The following PITPNC1 variants were observed in gnomAD, a reference collection of about 807,000 sequenced individuals.
The protein encoded by PITPNC1 is phosphatidylinositol transfer protein cytoplasmic 1, also known as cytoplasmic phosphatidylinositol transfer protein 1.
A neutral mutation model predicts 44.7 loss-of-function variants in PITPNC1; 18 were observed. That is an observed-to-expected ratio of 0.40 (90% CI 0.28 to 0.60). The LOEUF is 0.60. Ranked by LOEUF, PITPNC1 falls within the 20% of genes least tolerant of loss-of-function variation. The pLI is 0.39. For synonymous variants in PITPNC1, 141 were observed against 149.6 expected (o/e 0.94, Z 0.42); for missense variants, 290 against 418.4 (o/e 0.69, Z 2.68).
intron 5 of PITPNC1, among the ~76,000 whole-genome samples, chr17:67,580,416 G>T (rs1001161912): frequency 2.6e-5 from 4 of 152,118 alleles, no homozygotes; most frequent in Non-Finnish European, 5.9e-5. Context: ...CACGATCTCA[G>T]GTCACTGCAG....
intron 1 of PITPNC1, among the ~76,000 whole-genome samples, chr17:67,425,203 GCACACACACACACACACACACACA>G (rs60705271): frequency 0.012 from 1,155 of 98,612 alleles, 78 homozygotes; most frequent in African/African-American, 0.02. Context: ...GCACGCACAC[GCACACACACACACACACACACACA>G]CACACACACA....
intron 1 of PITPNC1, among the ~76,000 whole-genome samples, chr17:67,483,793 A>G (rs1389990329): frequency 1.3e-5 from 2 of 152,200 alleles, no homozygotes; most frequent in Non-Finnish European, 2.9e-5. Context: ...TGAAAAACAT[A>G]TAGCTCTTAA....
At chr17:67,455,633 G>A (rs2039245493) in intron 1 of PITPNC1, among the ~76,000 whole-genome samples, 1 of 151,812 alleles carries the variant, frequency 6.6e-6, no homozygotes, top group Non-Finnish European at 1.5e-5. Context: ...GTAGAGATGG[G>A]GTTTCACCAT....
chr17:67,538,620 T>C (rs1444889881), intron 2 of PITPNC1, among the ~76,000 whole-genome samples: 8 of 151,954 alleles, frequency 5.3e-5, no homozygotes, highest in Admixed American at 1.3e-4. Flanking sequence ...AATAAATAGA[T>C]AGATAAATTC....
At chr17:67,477,891 T>C (rs1429703549) in intron 1 of PITPNC1, among the ~76,000 whole-genome samples, 1 of 152,108 alleles carries the variant, frequency 6.6e-6, no homozygotes, top group African/African-American at 2.4e-5. Flanking sequence ...CCACAGCCCT[T>C]GATTTCTGGG....
intron 1 of PITPNC1, among the ~76,000 whole-genome samples, chr17:67,452,412 G>A (rs1165829703): frequency 2.6e-5 from 4 of 152,046 alleles, no homozygotes; most frequent in African/African-American, 9.6e-5. Context: ...TCTAATTCGG[G>A]GCTACTGTGA....
chr17:67,621,056 A>G (rs540945941), intron 5 of PITPNC1, among the ~76,000 whole-genome samples: 5 of 152,068 alleles, frequency 3.3e-5, no homozygotes, highest in South Asian at 2.1e-4. Context: ...CACGACACCA[A>G]TTGGCCAGTC....
In PITPNC1 at chr17:67,627,264, G is replaced by C. The variant is rs118137470; in HGVS notation, c.367-4879G>C. ...GTGAGACTTCATCTCAAAAAGAAAA[G>C]AAATTAAAACTCATCATCTCAAGCC... On this transcript the variant is annotated intron_variant, in intron 5 of 8. Transcript: ENST00000581322. Among the ~76,000 whole-genome samples, 194 of 152,278 alleles carry C rather than the reference G, an allele frequency of 1.3e-3. 6 individuals carry two copies. The East Asian group carries it at 0.036, about 28-fold the overall frequency.
intron 1 of PITPNC1, among the ~76,000 whole-genome samples, chr17:67,400,885 C>T (rs114531155): frequency 0.015 from 2,281 of 151,744 alleles, 60 homozygotes; most frequent in African/African-American, 0.052. Flanking sequence ...AGAAATTGTT[C>T]GTTACGCTTT....
chr17:67,577,272 C>A (rs1021302170), intron 4 of PITPNC1, among the ~76,000 whole-genome samples: 2 of 151,892 alleles, frequency 1.3e-5, no homozygotes, highest in African/African-American at 2.4e-5. Context: ...GCCTGGGTGA[C>A]AAAGTAAGAC....
rs2043002724 is a variant in PITPNC1 at position 67,695,858 on chromosome 17, G to T, written c.*2970G>T. The T allele has an allele frequency of 6.6e-6, 1 of 152,104 alleles. No homozygotes were observed. The highest frequency in any genetic ancestry group is 1.5e-5 in the Non-Finnish European group (1 of 68,020). 9.4% of individuals were successfully genotyped at this position (152,104 alleles called of 1,614,324 possible). On this transcript the variant is annotated 3_prime_UTR_variant, in exon 9 of 9. Transcript: ENST00000581322. Reference sequence around the variant, plus strand: ...ATAGCACGGCATTCTTGCTTTAGCTGTGCTTTCCTGGGATGAGAAGATCTT... The same window carrying T: ...ATAGCACGGCATTCTTGCTTTAGCTTTGCTTTCCTGGGATGAGAAGATCTT...
At chr17:67,422,253 C>G (rs1232571290) in intron 1 of PITPNC1, among the ~76,000 whole-genome samples, 5 of 152,192 alleles carry the variant, frequency 3.3e-5, no homozygotes, top group Non-Finnish European at 7.3e-5. Flanking sequence ...TTGACATTGT[C>G]TACTTACCAT....
intron 2 of PITPNC1, among the ~76,000 whole-genome samples, chr17:67,541,023 C>G (rs2040598575): frequency 6.6e-6 from 1 of 152,040 alleles, no homozygotes; most frequent in Non-Finnish European, 1.5e-5. Context: ...TCGAGACCAG[C>G]CTGGCCAACA....
rs188709405 is a variant in PITPNC1, at chr17:67,652,873, G to A, written c.463-16635G>A. ...TGTCCCCCCAGAAAGCTAGGTTGAC[G>A]TCCTAACCCCCAGAATGTGAACTTA... On this transcript the variant is annotated intron_variant, in intron 6 of 8. Transcript: ENST00000581322. Among the ~76,000 whole-genome samples, 4 of 152,328 alleles carry A rather than the reference G, an allele frequency of 2.6e-5. No individual in the cohort carries two copies. The East Asian group carries it at 5.8e-4, about 22-fold the overall frequency.
chr17:67,634,351 C>T (rs534651544), intron 6 of PITPNC1, among the ~76,000 whole-genome samples: 24 of 151,988 alleles, frequency 1.6e-4, no homozygotes, highest in Admixed American at 3.9e-4. Context: ...CCAAGGCAGG[C>T]GGCTCACTTG....
At chr17:67,463,764 C>A (rs2143980820) in intron 1 of PITPNC1, among the ~76,000 whole-genome samples, 1 of 151,882 alleles carries the variant, frequency 6.6e-6, no homozygotes, top group Non-Finnish European at 1.5e-5. Flanking sequence ...ATTAGCTGGG[C>A]ATGGTGGTGC....
intron 6 of PITPNC1, among the ~76,000 whole-genome samples, chr17:67,657,399 A>T (rs1480746357): frequency 1.3e-5 from 2 of 152,186 alleles, no homozygotes; most frequent in African/African-American, 2.4e-5. Context: ...TGCCATAAAA[A>T]GCCCAATTGT....
chr17:67,575,857 TCCTTCCTTC>T (rs759403293), intron 4 of PITPNC1, among the ~76,000 whole-genome samples: 847 of 27,386 alleles, frequency 0.031, 24 homozygotes, highest in Middle Eastern at 0.19. Context: ...TTTCTTTCTT[TCCTTCCTTC>T]TTTCTTTCTT....
chr17:67,560,869 G>A (rs1568040828), intron 4 of PITPNC1, among the ~76,000 whole-genome samples: 2 of 152,164 alleles, frequency 1.3e-5, no homozygotes, highest in African/African-American at 2.4e-5. Flanking sequence ...AACACCACTC[G>A]AAATGACTTT....
Sources: allele counts gnomAD v4.1 joint callset (sites outside exome capture counted in the v4.1 genomes callset), GRCh38; gene constraint gnomAD v4.1.1; transcripts MANE v1.5; gene names NCBI Gene and HGNC (gene_info 2026-07-23, HGNC 2026-07-21).